CUL3: variants seen among roughly 807,000 people sequenced by gnomAD.
The protein encoded by CUL3 is cullin 3.
In CUL3, 19 loss-of-function variants were observed where a neutral mutation model predicts 89.1. That is an observed-to-expected ratio of 0.21 (90% CI 0.15 to 0.31). The LOEUF (loss-of-function observed/expected upper bound fraction) is 0.31, where lower values mean the gene tolerates loss of function less well. Among genes scored for constraint, CUL3 ranks in the 10% least tolerant of loss-of-function variants. The pLI is 1.00. For synonymous variants in CUL3, 351 were observed against 308.4 expected, an observed-to-expected ratio of 1.14 and a Z score of -1.45; for missense variants, 469 against 942.3, an observed-to-expected ratio of 0.50 and a Z score of 6.58.
intron 13 of CUL3, among the ~76,000 whole-genome samples, chr2:224,493,178 T>C (rs1196195173): frequency 6.6e-6 from 1 of 152,210 alleles, no homozygotes; most frequent in Non-Finnish European, 1.5e-5. Context: ...AGTGGTTGTT[T>C]TAAATCACTA....
At chr2:224,500,334 C>T (rs202245229) in intron 11 of CUL3, 29 bp downstream of exon 11, 68 of 1,611,538 alleles carry the variant, frequency 4.2e-5, no homozygotes, top group Non-Finnish European at 5.6e-5. Context: ...TACTTGTACA[C>T]AGTGATACAA....
intron 13 of CUL3, among the ~76,000 whole-genome samples, chr2:224,486,887 G>A (rs1691745304): frequency 6.6e-6 from 1 of 152,110 alleles, no homozygotes; most frequent in South Asian, 2.1e-4. Flanking sequence ...ACCCAAAAAG[G>A]GAAGCCCATC....
intron 13 of CUL3, 147 bp downstream of exon 13, chr2:224,495,685 T>C: frequency 1.7e-6 from 1 of 588,624 alleles, no homozygotes; most frequent in Non-Finnish European, 2.9e-6. Flanking sequence ...ATGTATGATG[T>C]TCATACAGTT....
At chr2:224,499,687 T>C (rs1692299623) in intron 11 of CUL3, 2 of 214,400 alleles carry the variant, frequency 9.3e-6, no homozygotes, top group Admixed American at 4.3e-5. Context: ...TGTCCAGCTA[T>C]CTACGGTCAC....
At chr2:224,482,582 A>G (rs1233809638) in intron 13 of CUL3, among the ~76,000 whole-genome samples, 1 of 152,078 alleles carries the variant, frequency 6.6e-6, no homozygotes, top group Non-Finnish European at 1.5e-5. Context: ...TCTATGACCA[A>G]ATGAAGAAAA....
Position 224,547,296 on chromosome 2 carries a change from G to A in CUL3, c.264+10363C>T, listed in dbSNP as rs183729415. Among the ~76,000 whole-genome samples, 360 of 152,150 alleles carry A rather than the reference G, an allele frequency of 2.4e-3. 2 individuals are homozygous for A. The highest frequency in any genetic ancestry group is 4.4e-3 in the Non-Finnish European group (300 of 67,990). ...ATCCTCATTTCCTACAAAAACATTC[G>A]AAGATGCTTTTGTTCATCCTTATGA... On this transcript the variant is annotated intron_variant, in intron 2 of 15. Transcript: ENST00000264414.
intron 1 of CUL3, among the ~76,000 whole-genome samples, chr2:224,580,597 T>G (rs1695412648): frequency 6.6e-6 from 1 of 151,938 alleles, no homozygotes; most frequent in Non-Finnish European, 1.5e-5. Context: ...GACACAAGAA[T>G]CGGTTGAACC....
intron 5 of CUL3, 37 bp downstream of exon 5, chr2:224,513,487 T>C (rs1316092604): frequency 4.7e-6 from 6 of 1,267,916 alleles, no homozygotes; most frequent in African/African-American, 1.5e-5. Context: ...ATTAAGAACA[T>C]CTTAAAAGAT....
intron 1 of CUL3, among the ~76,000 whole-genome samples, chr2:224,574,194 C>T (rs1695247265): frequency 6.6e-6 from 1 of 152,118 alleles, no homozygotes. Flanking sequence ...TCGTTTTATT[C>T]ATCTGCTCAG....
intron 12 of CUL3, among the ~76,000 whole-genome samples, chr2:224,497,035 T>C (rs533813469): frequency 1.1e-3 from 165 of 152,276 alleles, no homozygotes; most frequent in South Asian, 2.7e-3. Flanking sequence ...AATATTTTTA[T>C]GGGCATTTTC....
At chr2:224,502,316 CTTAAGG>C (rs1456894875) in intron 10 of CUL3, among the ~76,000 whole-genome samples, 1 of 152,134 alleles carries the variant, frequency 6.6e-6, no homozygotes, top group South Asian at 2.1e-4. Context: ...ATTCTCTAAA[CTTAAGG>C]TTAAGTTGAA....
At chr2:224,583,891 T>C (rs970862208) in intron 1 of CUL3, among the ~76,000 whole-genome samples, 4 of 152,202 alleles carry the variant, frequency 2.6e-5, no homozygotes, top group Non-Finnish European at 4.4e-5. Context: ...TCATATGAAG[T>C]ATTTATGAAT....
chr2:224,545,184 A>C (rs1694250311), intron 2 of CUL3, among the ~76,000 whole-genome samples: 1 of 152,174 alleles, frequency 6.6e-6, no homozygotes, highest in Admixed American at 6.5e-5. Flanking sequence ...AGGTATTTTA[A>C]ACTTTCCAAG....
chr2:224,515,563 G>C lies in CUL3; in HGVS notation c.379-791C>G, dbSNP rs1693008433. On this transcript the variant is annotated intron_variant, in intron 3 of 15. Coordinates refer to ENST00000264414, the MANE Select transcript of CUL3 (RefSeq NM_003590.5). ...TGTTTGTTCACGCTTAAGTACTTTGGAAAGAAAGCCCATATCTTTCACCAG... is the reference window on the plus strand; with the variant it reads ...TGTTTGTTCACGCTTAAGTACTTTGCAAAGAAAGCCCATATCTTTCACCAG... 2.0e-5 allele frequency among the ~76,000 whole-genome samples: 3 copies of C among 152,098 alleles called. No individual in the cohort carries two copies. The South Asian group carries it at 6.2e-4, about 32-fold the overall frequency.
intron 1 of CUL3, among the ~76,000 whole-genome samples, chr2:224,580,742 A>G (rs1195265484): frequency 1.3e-5 from 2 of 152,140 alleles, no homozygotes; most frequent in African/African-American, 4.8e-5. Context: ...TACTGATGGG[A>G]ATTTATCTGG....
chr2:224,505,070 A>C (rs1190417204), intron 8 of CUL3, among the ~76,000 whole-genome samples: 2 of 151,980 alleles, frequency 1.3e-5, no homozygotes, highest in South Asian at 4.2e-4. Flanking sequence ...CTAGTTCTTT[A>C]TCTTCAGCAT....
chr2:224,507,182 GGTT>G (rs1477592883), intron 6 of CUL3, among the ~76,000 whole-genome samples, 179 bp from the exon 7 acceptor site: 25 of 152,056 alleles, frequency 1.6e-4, no homozygotes, highest in African/African-American at 5.6e-4. Flanking sequence ...GCTAGTTAAT[GGTT>G]ATTATTGTAA....
chr2:224,549,111 G>C (rs1244189579), intron 2 of CUL3, among the ~76,000 whole-genome samples: 1 of 152,010 alleles, frequency 6.6e-6, no homozygotes, highest in East Asian at 1.9e-4. Flanking sequence ...GCTACTAGGA[G>C]TTCAAAACCA....
At chr2:224,556,107 A>C (rs1694701579) in intron 2 of CUL3, among the ~76,000 whole-genome samples, 1 of 152,152 alleles carries the variant, frequency 6.6e-6, no homozygotes, top group Non-Finnish European at 1.5e-5. Flanking sequence ...AAGAGAAAGA[A>C]ATTACAGAAG....
Sources: allele counts gnomAD v4.1 joint callset (sites outside exome capture counted in the v4.1 genomes callset), GRCh38; gene constraint gnomAD v4.1.1; transcripts MANE v1.5; gene names NCBI Gene and HGNC (gene_info 2026-07-23, HGNC 2026-07-21).